Variants in CNTN4 observed in about 807,000 individuals in gnomAD.
CNTN4 encodes contactin-4.
Under a neutral mutation model 122.5 loss-of-function variants are expected in CNTN4, and 77 were observed. The ratio of observed to expected loss-of-function variants is 0.63; its 90% confidence interval spans 0.52 to 0.76. CNTN4 has a LOEUF of 0.76. Among genes scored for constraint, CNTN4 ranks in the 30% least tolerant of loss-of-function variants. The pLI is 0.00. For missense variants in CNTN4, 1,256 were observed against 1,259.1 expected, an observed-to-expected ratio of 1.00 and a Z score of 0.04; for synonymous variants, 512 against 447.0, an observed-to-expected ratio of 1.15 and a Z score of -1.83.
intron 13 of CNTN4, among the ~76,000 whole-genome samples, chr3:2,948,238 C>A (rs1030772063): frequency 2.0e-5 from 3 of 152,168 alleles, no homozygotes; most frequent in African/African-American, 7.2e-5. Context: ...CGGTAGCGTT[C>A]CCAGTTGGCC....
chr3:2,865,585 G>T (rs907508981), intron 7 of CNTN4, among the ~76,000 whole-genome samples: 1 of 152,188 alleles, frequency 6.6e-6, no homozygotes. Flanking sequence ...CCTCAACAAA[G>T]TAATTTTTGA....
At chr3:2,405,633 AGATAG>A (rs2047009410) in intron 3 of CNTN4, among the ~76,000 whole-genome samples, 1 of 150,938 alleles carries the variant, frequency 6.6e-6, no homozygotes. Flanking sequence ...ATAGATAGAT[AGATAG>A]GAGTCAAGGA....
chr3:2,384,711 C>T (rs1250898721), intron 3 of CNTN4, among the ~76,000 whole-genome samples: 3 of 152,042 alleles, frequency 2.0e-5, no homozygotes, highest in Admixed American at 6.6e-5. Flanking sequence ...AGGCAGCTCT[C>T]ACATGTAAAT....
At chr3:2,217,651 G>C (rs929866290) in intron 2 of CNTN4, among the ~76,000 whole-genome samples, 1 of 150,564 alleles carries the variant, frequency 6.6e-6, no homozygotes, top group African/African-American at 2.5e-5. Context: ...AGAGAATATC[G>C]CAAAACCAAA....
intron 2 of CNTN4, among the ~76,000 whole-genome samples, chr3:2,328,201 C>T (rs529832475): frequency 2.0e-5 from 3 of 152,018 alleles, no homozygotes; most frequent in African/African-American, 4.8e-5. Context: ...GTCAGGAGAT[C>T]GAGACCATCC....
At chr3:2,410,977 T>A (rs574598225) in intron 3 of CNTN4, among the ~76,000 whole-genome samples, 1 of 152,342 alleles carries the variant, frequency 6.6e-6, no homozygotes, top group East Asian at 1.9e-4. Context: ...GTGTTCAGAA[T>A]GAGCACCAGC....
chr3:2,146,944 G>C (rs1405074156), intron 2 of CNTN4, among the ~76,000 whole-genome samples: 1 of 152,070 alleles, frequency 6.6e-6, no homozygotes, highest in Non-Finnish European at 1.5e-5. Flanking sequence ...GTGCAGTCGT[G>C]ATCTTGGCTC....
At chr3:2,515,332 G>A (rs1486813446) in intron 3 of CNTN4, among the ~76,000 whole-genome samples, 2 of 152,102 alleles carry the variant, frequency 1.3e-5, no homozygotes, top group Non-Finnish European at 2.9e-5. Flanking sequence ...TTATCTTAAT[G>A]TATTAAGCTA....
chr3:2,497,652 T>C (rs200629491), intron 3 of CNTN4, among the ~76,000 whole-genome samples: 2 of 152,324 alleles, frequency 1.3e-5, no homozygotes, highest in East Asian at 3.9e-4. Flanking sequence ...ATATTGCTGA[T>C]TGGTGATGTG....
At chr3:2,336,329 A>AT (rs1190989175) in intron 2 of CNTN4, among the ~76,000 whole-genome samples, 1 of 152,140 alleles carries the variant, frequency 6.6e-6, no homozygotes, top group Non-Finnish European at 1.5e-5. Context: ...TACTTTTTGA[A>AT]TAAAAAAAAT....
Position 3,030,840 on chromosome 3 carries a change from C to T in CNTN4, c.1663-15C>T. On this transcript the variant is annotated splice_polypyrimidine_tract_variant and intron_variant, in intron 15 of 24. Coordinates refer to ENST00000418658, the MANE Select transcript of CNTN4 (RefSeq NM_175607.3). The stretch of plus-strand genomic sequence containing the variant: ...ATTAAAAAGTAATTGCAGCCACTTT[C>T]CCCTACTTTATCAGCAGGATTCAGC... The T allele has an allele frequency of 5.6e-6, 9 of 1,613,724 alleles. No homozygotes were observed. Among genetic ancestry groups the T allele is most frequent in the Non-Finnish European group, 7.6e-6 (9 of 1,179,674 alleles).
chr3:2,863,762 G>C (rs1251814852), intron 7 of CNTN4, among the ~76,000 whole-genome samples: 4 of 144,636 alleles, frequency 2.8e-5, no homozygotes, highest in African/African-American at 1.0e-4. Context: ...GAGTTTCAAG[G>C]ACATTGGCAT....
intron 2 of CNTN4, among the ~76,000 whole-genome samples, chr3:2,306,777 T>A (rs1236181377): frequency 6.6e-6 from 1 of 152,154 alleles, no homozygotes; most frequent in Non-Finnish European, 1.5e-5. Flanking sequence ...TTTATTTAGG[T>A]CTTTTTAAAA....
intron 2 of CNTN4, among the ~76,000 whole-genome samples, chr3:2,252,071 A>T (rs544060153): frequency 1.3e-5 from 2 of 152,004 alleles, no homozygotes; most frequent in Non-Finnish European, 2.9e-5. Flanking sequence ...ATTTCTGCTC[A>T]AACTCTACAT....
chr3:2,966,236 CTTTA>C (rs1274907272), intron 13 of CNTN4, among the ~76,000 whole-genome samples: 4 of 151,922 alleles, frequency 2.6e-5, no homozygotes, highest in Non-Finnish European at 5.9e-5. Context: ...TTTCAGTTAA[CTTTA>C]TTTTTTTTTA....
intron 2 of CNTN4, among the ~76,000 whole-genome samples, chr3:2,324,618 A>G (rs1227929305): frequency 1.3e-5 from 2 of 152,120 alleles, no homozygotes; most frequent in East Asian, 1.9e-4. Flanking sequence ...CCCTCCATCT[A>G]TAGCCAGGAC....
At chr3:2,693,733 G>C (rs2085865789) in intron 4 of CNTN4, among the ~76,000 whole-genome samples, 1 of 152,118 alleles carries the variant, frequency 6.6e-6, no homozygotes, top group Non-Finnish European at 1.5e-5. Context: ...TAGTGTTTGG[G>C]AGAATTTATG....
At chr3:2,520,720 C>A (rs553736639) in intron 3 of CNTN4, among the ~76,000 whole-genome samples, 2 of 143,806 alleles carry the variant, frequency 1.4e-5, no homozygotes, top group Non-Finnish European at 3.2e-5. Flanking sequence ...TTTAATTTTC[C>A]ACTAGACATT....
intron 3 of CNTN4, among the ~76,000 whole-genome samples, chr3:2,488,159 G>C (rs943439432): frequency 6.6e-6 from 1 of 152,136 alleles, no homozygotes; most frequent in African/African-American, 2.4e-5. Flanking sequence ...TACAACTACT[G>C]GTAATTATCT....
Sources: gnomAD v4.1 joint callset for allele counts (sites outside exome capture counted in the v4.1 genomes callset) on GRCh38, gnomAD v4.1.1 for gene constraint, MANE v1.5 for transcripts, NCBI Gene and HGNC (gene_info 2026-07-23, HGNC 2026-07-21) for gene names.